Variants in KRT72 observed in about 807,000 individuals in gnomAD.
KRT72 encodes keratin 72.
KRT72 carries 44 observed loss-of-function variants against 44.7 expected under a neutral mutation model. The ratio of observed to expected loss-of-function variants is 0.98; its 90% confidence interval spans 0.77 to 1.27. The LOEUF is 1.27. Among genes scored for constraint, KRT72 ranks in the 50% most tolerant of loss-of-function variants. The pLI is 0.00. For synonymous variants in KRT72, 302 were observed against 280.4 expected, an observed-to-expected ratio of 1.08 and a Z score of -0.77; for missense variants, 736 against 667.1, an observed-to-expected ratio of 1.10 and a Z score of -1.14.
chr12:52,586,259 T>C, intron 8 of KRT72, 87 bp from the exon 9 acceptor site: 3 of 1,106,772 alleles, frequency 2.7e-6, no homozygotes, highest in Non-Finnish European at 3.9e-6. Context: ...CCACCTCCTT[T>C]ACTCTCGCCC....
rs761523800 is a variant in KRT72 at position 52,601,260 on chromosome 12, G to T, written c.193C>A (p.Arg65=). ...CCGCCCAGGCGGCCGCCGCCCCGCCGTGCAGCAGCGCTGAGCGCCAGGCTT... is the reference window on the plus strand; with the variant it reads ...CCGCCCAGGCGGCCGCCGCCCCGCCTTGCAGCAGCGCTGAGCGCCAGGCTT... ...SRSLALSAAA[R]RGGGRLGGFV... The change falls in exon 1 of 9, where the codon CGG becomes AGG. Residue 65 remains arginine (R), a synonymous_variant. Transcript: ENST00000293745. 4 of 1,560,570 alleles carry T rather than the reference G, an allele frequency of 2.6e-6. No homozygotes were observed. In the African/African-American group the frequency reaches 5.4e-5, roughly 21 times the overall value.
chr12:52,587,841 A>T lies in KRT72; in HGVS notation c.1100T>A (p.Leu367Gln). ...TTCAGCGTCGGCGATGGCCGTCTCCAGATCGGCACACTGAGGGGCAAACAG... is the reference window on the plus strand; with the variant it reads ...TTCAGCGTCGGCGATGGCCGTCTCCTGATCGGCACACTGAGGGGCAAACAG... ...IGNVKKQCAD[L>Q]ETAIADAEQR... Residue 367 changes from leucine to glutamine, a missense_variant, in exon 7 of 9, where the codon CTG (leucine) becomes CAG (glutamine). Leu to Gln is a moderately radical substitution (Grantham distance 113, BLOSUM62 -2). Coordinates refer to ENST00000293745, the MANE Select transcript of KRT72 (RefSeq NM_080747.3). The T allele has an allele frequency of 6.2e-7, 1 of 1,613,990 alleles. No homozygotes were observed. Among genetic ancestry groups the T allele is most frequent in the African/African-American group, 1.3e-5 (1 of 75,066 alleles).
rs776011221 is a variant in KRT72 at position 52,592,447 on chromosome 12, C to T, written c.747G>A (p.Lys249=). 5 of 1,614,164 alleles carry T rather than the reference C, an allele frequency of 3.1e-6. No individual in the cohort carries two copies. Among genetic ancestry groups the T allele is most frequent in the Non-Finnish European group, 4.2e-6 (5 of 1,180,016 alleles). The part of the protein sequence containing the change: ...AYMNKVELQA[K]VDSLTDEIKF... ...TAATCTCATCTGTCAAGGAGTCCACCTTGGCCTGGAGCTCAACCTTATTCA... is the reference window on the plus strand; with the variant it reads ...TAATCTCATCTGTCAAGGAGTCCACTTTGGCCTGGAGCTCAACCTTATTCA... Residue 249 remains lysine (K), a synonymous_variant, in exon 4 of 9, where the codon AAG becomes AAA. Transcript: ENST00000293745.
At position 52,598,162 on chromosome 12, in the gene KRT72, G is replaced by A. The variant is rs190673651; in HGVS notation, c.641+736C>T. Among the ~76,000 whole-genome samples the A allele has an allele frequency of 4.0e-3, 616 of 152,330 alleles. 5 individuals carry two copies. The highest frequency in any genetic ancestry group is 0.014 in the African/African-American group (575 of 41,580). On this transcript the variant is annotated intron_variant, in intron 2 of 8. Transcript: ENST00000293745. ...TGTGTGCTCTCTGAGGTCAGGGACCGTGTCTCCTCCTTCCTTAGGTTCTCC... is the reference window on the plus strand; with the variant it reads ...TGTGTGCTCTCTGAGGTCAGGGACCATGTCTCCTCCTTCCTTAGGTTCTCC...
chr12:52,601,918 C>T (rs73320371), upstream of KRT72, among the ~76,000 whole-genome samples: 2,757 of 152,242 alleles, frequency 0.018, 83 homozygotes, highest in African/African-American at 0.064. Flanking sequence ...TCAAGACTAT[C>T]GCAGAAAATC....
intron 2 of KRT72, among the ~76,000 whole-genome samples, chr12:52,593,439 GAC>G (rs766685118): frequency 3.9e-5 from 6 of 152,214 alleles, no homozygotes; most frequent in Non-Finnish European, 7.3e-5. Context: ...CAAGGTCTAA[GAC>G]ACAGAAATGT....
chr12:52,587,047 C>T (rs1464689004), intron 7 of KRT72, 67 bp from the exon 8 acceptor site: 1 of 1,466,988 alleles, frequency 6.8e-7, no homozygotes, highest in Non-Finnish European at 9.6e-7. Context: ...TGGAAGTCAC[C>T]TCTGTGAATA....
intron 3 of KRT72, 110 bp from the exon 4 acceptor site, chr12:52,592,601 G>T (rs1336428268): frequency 1.6e-5 from 13 of 806,620 alleles, no homozygotes; most frequent in Non-Finnish European, 2.0e-5. Flanking sequence ...TGTGCTTCAT[G>T]GGGGGCTCCC....
rs1475665905 is a variant in KRT72, at chr12:52,596,994, G to T, written c.641+1904C>A. 3.3e-5 allele frequency among the ~76,000 whole-genome samples: 5 copies of T among 152,294 alleles called. No individual in the cohort carries two copies. In the East Asian group the frequency reaches 7.7e-4, roughly 24 times the overall value. On this transcript the variant is annotated intron_variant, in intron 2 of 8. Transcript: ENST00000293745. ...GGAAAAGGATCAAGGTAAAAGTTAT[G>T]ATTTTTAAAGCAGAGCCCATTCATT...
chr12:52,592,561 G>A (rs935100767), intron 3 of KRT72, 70 bp from the exon 4 acceptor site: 4 of 1,178,060 alleles, frequency 3.4e-6, no homozygotes, highest in Admixed American at 3.7e-5. Context: ...CCTGCCACAG[G>A]AAGCCTTGCT....
rs756233345 is a variant in KRT72 at position 52,592,506 on chromosome 12, T to C, written c.703-15A>G. On this transcript the variant is annotated splice_polypyrimidine_tract_variant and intron_variant, in intron 3 of 8. Coordinates refer to ENST00000293745, the MANE Select transcript of KRT72 (RefSeq NM_080747.3). ...GCATCCACGTCCTGGGAGCACATGATAGTCAAGCCGCCCTGAGAGGGCCTC... is the reference window on the plus strand; with the variant it reads ...GCATCCACGTCCTGGGAGCACATGACAGTCAAGCCGCCCTGAGAGGGCCTC... 17 of 1,608,558 alleles carry C rather than the reference T, an allele frequency of 1.1e-5. No individual in the cohort carries two copies. Among genetic ancestry groups the C allele is most frequent in the South Asian group, 2.2e-5 (2 of 90,826 alleles).
chr12:52,598,750 A>G, intron 2 of KRT72, 148 bp downstream of exon 2: 1 of 666,506 alleles, frequency 1.5e-6, no homozygotes, highest in Non-Finnish European at 2.7e-6. Flanking sequence ...GTGTAGGTAG[A>G]TCTATTCTTT....
intron 6 of KRT72, among the ~76,000 whole-genome samples, chr12:52,589,513 G>C (rs1364751556): frequency 1.3e-5 from 2 of 152,236 alleles, no homozygotes; most frequent in African/African-American, 2.4e-5. Context: ...ACCTGGGGCA[G>C]AGGGACACCA....
In KRT72 at chr12:52,586,183, TGA is replaced by T; in HGVS notation, c.1346-13_1346-12del. On this transcript the variant is annotated splice_polypyrimidine_tract_variant and intron_variant, in intron 8 of 8. Coordinates refer to ENST00000293745, the MANE Select transcript of KRT72 (RefSeq NM_080747.3). ...TGCTGCTGATGACGGCTGGAATGGA[TGA>T]GAGAAGACCTCAGCCCCCGTCAGCT... 1 of 1,610,554 alleles carries T rather than the reference TGA, an allele frequency of 6.2e-7. No homozygotes were observed. The highest frequency in any genetic ancestry group is 1.1e-5 in the South Asian group (1 of 90,856).
upstream of KRT72, chr12:52,601,522 C>T: frequency 1.4e-6 from 2 of 1,465,098 alleles, no homozygotes; most frequent in African/African-American, 1.4e-5. Context: ...GTTCTCGGCC[C>T]AGCTCGCCCC....
Position 52,586,188 on chromosome 12 carries a change from G to A in KRT72, c.1346-16C>T, listed in dbSNP as rs1006205037. ...CTGATGACGGCTGGAATGGATGAGA[G>A]AAGACCTCAGCCCCCGTCAGCTCTA... is the stretch of plus-strand genomic sequence containing the variant. On this transcript the variant is annotated splice_polypyrimidine_tract_variant and intron_variant, in intron 8 of 8. Transcript: ENST00000293745. 7 of 1,606,826 alleles carry A rather than the reference G, an allele frequency of 4.4e-6. No homozygotes were observed. Among genetic ancestry groups the A allele is most frequent in the Non-Finnish European group, 5.1e-6 (6 of 1,174,918 alleles).
Position 52,592,930 on chromosome 12 carries a change from G to T in KRT72, c.664C>A (p.Arg222Ser), listed in dbSNP as rs144299417. ...ACAAACTCATTCTCAGCAGCTGTGC[G>T]TCTGTTAATCTCCACCTCATACCTG... Reference protein sequence around the residue: ...KKRYEVEINRRTAAENEFVVL... With the variant: ...KKRYEVEINRSTAAENEFVVL... The change falls in exon 3 of 9, where the codon CGC (arginine) becomes AGC (serine). Residue 222 changes from arginine to serine, a missense_variant. Physicochemically the swap from Arg to Ser is moderately radical, Grantham distance 110. Coordinates refer to ENST00000293745, the MANE Select transcript of KRT72 (RefSeq NM_080747.3). 6.2e-7 allele frequency: 1 copy of T among 1,613,538 alleles called. No homozygotes were observed. Among genetic ancestry groups the T allele is most frequent in the Non-Finnish European group, 8.5e-7 (1 of 1,179,838 alleles).
chr12:52,591,376 A>AT, intron 5 of KRT72, 88 bp downstream of exon 5: 1 of 1,356,328 alleles, frequency 7.4e-7, no homozygotes, highest in Non-Finnish European at 1.0e-6. Flanking sequence ...ACACACACAA[A>AT]CACACGCACA....
Position 52,591,569 on chromosome 12 carries a change from G to C in KRT72, c.858C>G (p.Asn286Lys). 1 of 1,614,016 alleles carries C rather than the reference G, an allele frequency of 6.2e-7. No individual in the cohort carries two copies. ...SDTSIVLSMD[N>K]NRDLDLDSII... ...TGCTGTCCAGGTCCAGATCCCGGTT[G>C]TTGTCCATTGACAGGACGATGGACG... is the stretch of plus-strand genomic sequence containing the variant. The change falls in exon 5 of 9, where the codon AAC becomes AAG. Residue 286 changes from asparagine (N) to lysine (K), a missense_variant. By Grantham distance (94) the Asn-to-Lys change is moderately conservative. Coordinates refer to ENST00000293745, the MANE Select transcript of KRT72 (RefSeq NM_080747.3).
Sources: gnomAD v4.1 joint callset for allele counts (sites outside exome capture counted in the v4.1 genomes callset) on GRCh38, gnomAD v4.1.1 for gene constraint, MANE v1.5 for transcripts, NCBI Gene and HGNC (gene_info 2026-07-23, HGNC 2026-07-21) for gene names.